Variants in DLC1 observed in about 807,000 individuals in gnomAD.
DLC1 encodes the protein rho GTPase-activating protein 7.
DLC1 carries 54 observed loss-of-function variants against 140.3 expected under a neutral mutation model. The ratio of observed to expected loss-of-function variants is 0.38; its 90% CI spans 0.31 to 0.48. DLC1 has a LOEUF of 0.48. Among genes scored for constraint, DLC1 ranks in the 20% least tolerant of loss-of-function variants. DLC1 has a pLI of 0.96. For synonymous variants in DLC1, 986 were observed against 728.1 expected, an observed-to-expected ratio of 1.35 and a Z score of -5.70; for missense variants, 2,536 against 1,907.0, an observed-to-expected ratio of 1.33 and a Z score of -6.14.
intron 12 of DLC1, 42 bp from the exon 13 acceptor site, chr8:13,092,867 G>T (rs765110854): frequency 2.1e-5 from 34 of 1,584,454 alleles, no homozygotes; most frequent in African/African-American, 2.7e-5. Context: ...TGGTGAATTT[G>T]CATGGACATT....
At chr8:13,278,048 C>T (rs1042717981) in intron 5 of DLC1, among the ~76,000 whole-genome samples, 3 of 152,126 alleles carry the variant, frequency 2.0e-5, no homozygotes, top group African/African-American at 7.2e-5. Context: ...ATTAATAACC[C>T]GTATGTCCTA....
At chr8:13,513,161 C>G (rs1347195694) in intron 1 of DLC1, among the ~76,000 whole-genome samples, 2 of 151,946 alleles carry the variant, frequency 1.3e-5, no homozygotes, top group African/African-American at 4.8e-5. Flanking sequence ...GAGGTGTGAC[C>G]TTGGACAGGT....
intron 5 of DLC1, among the ~76,000 whole-genome samples, chr8:13,150,004 C>G (rs1458878517): frequency 6.6e-6 from 1 of 152,182 alleles, no homozygotes; most frequent in African/African-American, 2.4e-5. Context: ...CAGCTCTGGG[C>G]CAGTATTACA....
At chr8:13,502,734 C>T (rs552186332) in intron 1 of DLC1, among the ~76,000 whole-genome samples, 29 of 150,248 alleles carry the variant, frequency 1.9e-4, no homozygotes, top group African/African-American at 7.1e-4. Context: ...TTTCAAAAAA[C>T]TGACTACTTA....
intron 4 of DLC1, among the ~76,000 whole-genome samples, chr8:13,352,999 AT>A (rs745351611): frequency 6.6e-6 from 1 of 152,134 alleles, no homozygotes; most frequent in Non-Finnish European, 1.5e-5. Context: ...CCATAAATCA[AT>A]TTTTTATGAA....
intron 4 of DLC1, among the ~76,000 whole-genome samples, chr8:13,361,814 G>A (rs67662908): frequency 0.2 from 31,030 of 152,126 alleles, 3,473 homozygotes; most frequent in Non-Finnish European, 0.26. Context: ...GACAGTAGGC[G>A]TTGCTGCCTA....
At chr8:13,463,304 G>C (rs1203408531) in intron 2 of DLC1, among the ~76,000 whole-genome samples, 1 of 152,016 alleles carries the variant, frequency 6.6e-6, no homozygotes, top group African/African-American at 2.4e-5. Context: ...TAGCTGCAAA[G>C]GAGAATAATA....
intron 5 of DLC1, among the ~76,000 whole-genome samples, chr8:13,183,574 C>T (rs1235074486): frequency 1.3e-5 from 2 of 152,076 alleles, no homozygotes; most frequent in Admixed American, 6.6e-5. Flanking sequence ...TTGAGATAAT[C>T]ATGTGGTTTT....
intron 5 of DLC1, among the ~76,000 whole-genome samples, chr8:13,259,947 A>C (rs1002186026): frequency 6.6e-6 from 1 of 152,216 alleles, no homozygotes. Flanking sequence ...TGAAATGGAC[A>C]TCAGTAAAGG....
intron 5 of DLC1, among the ~76,000 whole-genome samples, chr8:13,169,611 TC>T (rs1825324000): frequency 6.6e-6 from 1 of 152,172 alleles, no homozygotes; most frequent in Admixed American, 6.5e-5. Context: ...CAAGTCTTAA[TC>T]TTTGGAAACT....
intron 6 of DLC1, among the ~76,000 whole-genome samples, chr8:13,113,356 G>A (rs1321137147): frequency 2.0e-5 from 3 of 152,122 alleles, no homozygotes; most frequent in African/African-American, 7.2e-5. Flanking sequence ...AAAAACGGGG[G>A]GAGGCAATGG....
At chr8:13,128,919 A>AGAACAAATTATGATGGCAAGGCC (rs1563654440) in intron 5 of DLC1, among the ~76,000 whole-genome samples, 1 of 152,184 alleles carries the variant, frequency 6.6e-6, no homozygotes, top group Admixed American at 6.5e-5. Context: ...ATGGCAAGGC[A>AGAACAAATTATGATGGCAAGGCC]GAACATTAAT....
chr8:13,228,419 A>G (rs1227953544), intron 5 of DLC1, among the ~76,000 whole-genome samples: 1 of 152,094 alleles, frequency 6.6e-6, no homozygotes, highest in Non-Finnish European at 1.5e-5. Context: ...AACTCTCATA[A>G]CTCAATTATA....
At chr8:13,166,393 T>C (rs530188232) in intron 5 of DLC1, among the ~76,000 whole-genome samples, 1 of 152,272 alleles carries the variant, frequency 6.6e-6, no homozygotes, top group Admixed American at 6.5e-5. Flanking sequence ...CAGGCTGGAG[T>C]ACAGCAGCAT....
intron 1 of DLC1, among the ~76,000 whole-genome samples, chr8:13,550,062 C>T (rs977105994): frequency 1.3e-5 from 2 of 152,126 alleles, no homozygotes; most frequent in African/African-American, 4.8e-5. Flanking sequence ...AGGCAACTAT[C>T]CTTACAATAG....
At chr8:13,416,569 CT>C (rs1838070913) in intron 2 of DLC1, among the ~76,000 whole-genome samples, 2 of 152,112 alleles carry the variant, frequency 1.3e-5, no homozygotes, top group Admixed American at 6.6e-5. Context: ...TGCACCATCT[CT>C]GAAATGTTTC....
At chr8:13,435,505 G>A (rs569050888) in intron 2 of DLC1, among the ~76,000 whole-genome samples, 13 of 151,984 alleles carry the variant, frequency 8.6e-5, no homozygotes, top group African/African-American at 3.1e-4. Context: ...GTAGAGATGG[G>A]GTTTCTCCAT....
At chr8:13,477,479 C>T (rs1266513512) in intron 2 of DLC1, among the ~76,000 whole-genome samples, 4 of 152,146 alleles carry the variant, frequency 2.6e-5, no homozygotes, top group African/African-American at 7.2e-5. Flanking sequence ...CAAATTTTAA[C>T]AAGGACTAAT....
At chr8:13,596,581 G>A (rs1805687672) in intron 1 of DLC1, among the ~76,000 whole-genome samples, 1 of 151,988 alleles carries the variant, frequency 6.6e-6, no homozygotes, top group Non-Finnish European at 1.5e-5. Context: ...AAGAGTGCTT[G>A]TGCTTTGAAT....
Sources: allele counts gnomAD v4.1 joint callset (sites outside exome capture counted in the v4.1 genomes callset), GRCh38; gene constraint gnomAD v4.1.1; transcripts MANE v1.5; gene names NCBI Gene and HGNC (gene_info 2026-07-23, HGNC 2026-07-21).